Variants in SAMD5 observed in about 807,000 individuals in gnomAD.
The protein encoded by SAMD5 is sterile alpha motif domain-containing protein 5.
SAMD5 carries 13 observed loss-of-function variants against 11.3 expected under a neutral mutation model. That is an observed-to-expected ratio of 1.15 (90% CI 0.75 to 1.83). The LOEUF (loss-of-function observed/expected upper bound fraction) is 1.83. Among genes scored for constraint, SAMD5 ranks in the 40% most tolerant of loss-of-function variants. The pLI, the probability that SAMD5 is intolerant of heterozygous loss-of-function variation, is 0.00. For synonymous variants in SAMD5, 129 were observed against 111.3 expected (o/e 1.16, Z -1.00); for missense variants, 255 against 239.1 (o/e 1.07, Z -0.44).
chr6:147,795,882 T>C, the SAMD5 span, among the ~76,000 whole-genome samples: 3 of 152,184 alleles, frequency 2.0e-5, no homozygotes, highest in African/African-American at 7.2e-5. Context: ...AAGTGTCTGT[T>C]CATATCCTTC....
At chr6:147,604,977 G>A (rs1234245988) in intron 1 of SAMD5, among the ~76,000 whole-genome samples, 2 of 152,008 alleles carry the variant, frequency 1.3e-5, no homozygotes, top group East Asian at 1.9e-4. Context: ...TATATATGAG[G>A]GATAATCAGA....
chr6:147,815,569 G>A, the SAMD5 span, among the ~76,000 whole-genome samples: 1 of 152,172 alleles, frequency 6.6e-6, no homozygotes, highest in African/African-American at 2.4e-5. Flanking sequence ...AGGGACAAGT[G>A]TTCTAGAAAG....
chr6:147,905,140 G>T, the SAMD5 span, among the ~76,000 whole-genome samples: 1 of 151,890 alleles, frequency 6.6e-6, no homozygotes, highest in Non-Finnish European at 1.5e-5. Flanking sequence ...CACCCGCCTC[G>T]GCCTCCCAAA....
intron 1 of SAMD5, among the ~76,000 whole-genome samples, chr6:147,596,932 C>T (rs978097970): frequency 6.6e-6 from 1 of 152,046 alleles, no homozygotes; most frequent in Non-Finnish European, 1.5e-5. Context: ...AAATGGGTTA[C>T]TTTTGGGGGC....
intron 1 of SAMD5, among the ~76,000 whole-genome samples, chr6:147,675,072 G>A (rs973808625): frequency 5.1e-4 from 77 of 152,206 alleles, no homozygotes; most frequent in African/African-American, 1.8e-3. Context: ...TTAATCAATT[G>A]AAATTGGCAT....
At chr6:147,692,191 C>A (rs1791113809) in intron 1 of SAMD5, among the ~76,000 whole-genome samples, 1 of 152,166 alleles carries the variant, frequency 6.6e-6, no homozygotes, top group Non-Finnish European at 1.5e-5. Flanking sequence ...TCATGAAGTT[C>A]TCTAGAGGAG....
intron 1 of SAMD5, among the ~76,000 whole-genome samples, chr6:147,690,275 T>C (rs1323132866): frequency 1.3e-5 from 2 of 152,242 alleles, no homozygotes; most frequent in Non-Finnish European, 2.9e-5. Flanking sequence ...TTTTTAAAAA[T>C]AGAAAACTTT....
intron 1 of SAMD5, among the ~76,000 whole-genome samples, chr6:147,690,727 G>GT (rs980682370): frequency 1.3e-5 from 2 of 152,094 alleles, no homozygotes; most frequent in African/African-American, 4.8e-5. Context: ...CTTTGATTCA[G>GT]TTTTTTTCAT....
At chr6:147,703,782 GA>G (rs1791288912) in intron 1 of SAMD5, among the ~76,000 whole-genome samples, 1 of 152,130 alleles carries the variant, frequency 6.6e-6, no homozygotes, top group Admixed American at 6.6e-5. Flanking sequence ...GTTGAAGTAG[GA>G]AGCATCCATG....
chr6:147,602,588 A>C (rs1045077013), intron 1 of SAMD5, among the ~76,000 whole-genome samples: 1 of 152,188 alleles, frequency 6.6e-6, no homozygotes, highest in South Asian at 2.1e-4. Flanking sequence ...TACTAAAAAT[A>C]CAAAAATTAG....
chr6:147,810,695 T>A, the SAMD5 span, among the ~76,000 whole-genome samples: 3 of 152,196 alleles, frequency 2.0e-5, no homozygotes, highest in East Asian at 5.8e-4. Context: ...TCGGTAGCGC[T>A]GGCAACAGGG....
rs73787004 is a variant in SAMD5, at chr6:147,523,538, A to G, written c.459+14151A>G. Among the ~76,000 whole-genome samples the G allele has an allele frequency of 4.7e-3, 720 of 152,314 alleles. 5 individuals carry two copies. Among genetic ancestry groups the G allele is most frequent in the African/African-American group, 0.016 (683 of 41,572 alleles). On this transcript the variant is annotated intron_variant, in intron 1 of 1. Coordinates refer to ENST00000367474, the MANE Select transcript of SAMD5 (RefSeq NM_001030060.3). ...CCACTTTAAACAACAATGTATCAAT[A>G]CAGAATGGAACACTGCTATATTAAG... is the stretch of plus-strand genomic sequence containing the variant.
At chr6:147,810,300 G>A in the SAMD5 span, among the ~76,000 whole-genome samples, 1 of 152,054 alleles carries the variant, frequency 6.6e-6, no homozygotes, top group Non-Finnish European at 1.5e-5. Context: ...GGATGCCATG[G>A]TCCTAATAAA....
intron 1 of SAMD5, among the ~76,000 whole-genome samples, chr6:147,664,432 G>T (rs562696701): frequency 6.6e-6 from 1 of 152,208 alleles, no homozygotes; most frequent in East Asian, 1.9e-4. Context: ...CGGGTACTTT[G>T]CAGAGAGATT....
the SAMD5 span, among the ~76,000 whole-genome samples, chr6:147,889,743 C>T: frequency 2.6e-5 from 4 of 152,160 alleles, no homozygotes; most frequent in African/African-American, 9.7e-5. Context: ...TACTCCTGGG[C>T]TCTGTGTGGA....
chr6:147,604,464 T>C (rs1299421518), intron 1 of SAMD5, among the ~76,000 whole-genome samples: 3 of 152,196 alleles, frequency 2.0e-5, no homozygotes, highest in Non-Finnish European at 4.4e-5. Context: ...AAGTGCTATG[T>C]AATTACAAAA....
chr6:147,948,836 C>T, the SAMD5 span, among the ~76,000 whole-genome samples: 1 of 152,046 alleles, frequency 6.6e-6, no homozygotes, highest in Non-Finnish European at 1.5e-5. Flanking sequence ...GAAGAGTCCC[C>T]AGAGGTCAAC....
the SAMD5 span, among the ~76,000 whole-genome samples, chr6:147,880,817 A>T: frequency 6.6e-6 from 1 of 152,156 alleles, no homozygotes; most frequent in African/African-American, 2.4e-5. Context: ...CAATTCTAAG[A>T]TACAAATCAA....
the SAMD5 span, among the ~76,000 whole-genome samples, chr6:147,914,534 C>T: frequency 4.6e-5 from 7 of 152,184 alleles, no homozygotes; most frequent in Admixed American, 3.9e-4. Context: ...TCATTGCTTG[C>T]GGTGAACTCG....
Sources: allele counts gnomAD v4.1 joint callset (sites outside exome capture counted in the v4.1 genomes callset), GRCh38; gene constraint gnomAD v4.1.1; transcripts MANE v1.5; gene names NCBI Gene and HGNC (gene_info 2026-07-23, HGNC 2026-07-21).